The following CSMD1 variants were observed in gnomAD, a reference collection of about 807,000 sequenced individuals.
The protein encoded by CSMD1 is CUB and sushi domain-containing protein 1.
CSMD1 carries 213 observed loss-of-function variants against 417.5 expected under a neutral mutation model. The ratio of observed to expected loss-of-function variants is 0.51; its 90% CI spans 0.46 to 0.57. The LOEUF is 0.57. Among genes scored for constraint, CSMD1 ranks in the 20% least tolerant of loss-of-function variants. The probability of loss-of-function intolerance (pLI) is 0.00; values close to 1 mark genes in which losing one functional copy is unlikely to be tolerated. For synonymous variants in CSMD1, 2,862 were observed against 1,736.8 expected (o/e 1.65, Z -16.11); for missense variants, 6,923 against 4,529.7 (o/e 1.53, Z -15.17).
chr8:4,026,507 G>A (rs948468019), intron 4 of CSMD1, among the ~76,000 whole-genome samples: 1 of 152,144 alleles, frequency 6.6e-6, no homozygotes, highest in Non-Finnish European at 1.5e-5. Context: ...AAAACCACTG[G>A]AGGATATGTA....
chr8:2,943,189 A>C (rs1802006823), intron 68 of CSMD1, among the ~76,000 whole-genome samples: 2 of 152,146 alleles, frequency 1.3e-5, no homozygotes, highest in Non-Finnish European at 2.9e-5. Context: ...GACACAAAAT[A>C]ATGCTAAAAT....
At chr8:3,676,293 G>A (rs896540554) in intron 7 of CSMD1, among the ~76,000 whole-genome samples, 1 of 152,096 alleles carries the variant, frequency 6.6e-6, no homozygotes, top group African/African-American at 2.4e-5. Context: ...CTGTGGCCCT[G>A]GGGCAAGTTC....
intron 46 of CSMD1, among the ~76,000 whole-genome samples, chr8:3,103,706 G>C (rs1415172564): frequency 6.6e-6 from 1 of 151,070 alleles, no homozygotes; most frequent in Non-Finnish European, 1.5e-5. Flanking sequence ...ATAAGAACTT[G>C]GTTCATCTGG....
intron 10 of CSMD1, among the ~76,000 whole-genome samples, chr8:3,510,605 G>A (rs1315081554): frequency 2.0e-5 from 3 of 151,716 alleles, no homozygotes; most frequent in African/African-American, 7.3e-5. Flanking sequence ...AAAAAATGCT[G>A]GTGACTCTCT....
At chr8:3,267,515 C>G (rs542389396) in intron 26 of CSMD1, among the ~76,000 whole-genome samples, 1 of 152,088 alleles carries the variant, frequency 6.6e-6, no homozygotes, top group Non-Finnish European at 1.5e-5. Context: ...CTCCGGAGTC[C>G]AGAGGAGAGA....
In CSMD1 at chr8:3,221,006, GAGA is replaced by G. The variant is rs1798176992; in HGVS notation, c.4485-1567_4485-1565del. Among the ~76,000 whole-genome samples the G allele has an allele frequency of 3.3e-5, 5 of 151,230 alleles. No individual in the cohort carries two copies. The South Asian group carries it at 1.0e-3, about 32-fold the overall frequency. On this transcript the variant is annotated intron_variant, in intron 28 of 69. Transcript: ENST00000635120. ...GCAGAAATTTGGGACAACTGAGACA[GAGA>G]AGGTCAGGGTTTTTGCTTGTTGGTT...
At chr8:3,016,663 C>G (rs1341118207) in intron 52 of CSMD1, among the ~76,000 whole-genome samples, 1 of 152,176 alleles carries the variant, frequency 6.6e-6, no homozygotes, top group African/African-American at 2.4e-5. Context: ...TTTAAATACT[C>G]TATGTCTCTT....
At chr8:3,097,535 G>T (rs555980182) in intron 46 of CSMD1, among the ~76,000 whole-genome samples, 2 of 152,254 alleles carry the variant, frequency 1.3e-5, no homozygotes, top group Admixed American at 6.5e-5. Context: ...ATCCTACGTC[G>T]TTTCTGGTGC....
intron 7 of CSMD1, among the ~76,000 whole-genome samples, chr8:3,664,250 T>C (rs897146779): frequency 2.6e-5 from 4 of 152,162 alleles, no homozygotes; most frequent in African/African-American, 7.2e-5. Context: ...GTTCTCATTG[T>C]TCAATTCCCA....
At chr8:3,775,629 G>A (rs534085219) in intron 5 of CSMD1, among the ~76,000 whole-genome samples, 31 of 152,286 alleles carry the variant, frequency 2.0e-4, no homozygotes, top group Admixed American at 1.2e-3. Context: ...GGACTCATGT[G>A]CTCCTGTTCA....
chr8:4,184,211 G>C (rs951619802), intron 3 of CSMD1, among the ~76,000 whole-genome samples: 6 of 152,186 alleles, frequency 3.9e-5, no homozygotes, highest in Admixed American at 3.3e-4. Context: ...GAGCCTAAGA[G>C]TATAACTGTA....
chr8:3,362,721 T>G (rs2117730993), intron 20 of CSMD1, among the ~76,000 whole-genome samples: 1 of 152,198 alleles, frequency 6.6e-6, no homozygotes. Flanking sequence ...CTTCCAGTGG[T>G]TTTCACGTAA....
chr8:4,372,126 T>C (rs949168954), intron 3 of CSMD1, among the ~76,000 whole-genome samples: 18 of 152,242 alleles, frequency 1.2e-4, no homozygotes, highest in Non-Finnish European at 2.9e-5. Flanking sequence ...TACTGAATAT[T>C]AGCATTTTTC....
At chr8:4,089,894 C>T (rs1275350351) in intron 3 of CSMD1, among the ~76,000 whole-genome samples, 1 of 151,984 alleles carries the variant, frequency 6.6e-6, no homozygotes, top group Non-Finnish European at 1.5e-5. Context: ...GCTGTGGGGT[C>T]AGGGACCTGA....
At chr8:3,751,486 AG>A (rs1797341201) in intron 6 of CSMD1, among the ~76,000 whole-genome samples, 1 of 148,410 alleles carries the variant, frequency 6.7e-6, no homozygotes, top group Non-Finnish European at 1.5e-5. Context: ...CATATATTAT[AG>A]AATATATATA....
rs1801534419 is a variant in CSMD1, at chr8:2,937,072, T to C, written c.*1513A>G. The C allele has an allele frequency of 6.6e-6, 1 of 152,214 alleles. No homozygotes were observed. The highest frequency in any genetic ancestry group is 2.1e-4 in the South Asian group (1 of 4,836). The allele number at this position is 152,214 out of a possible 1,614,324, so 9.4% of individuals were successfully genotyped here. A position where few individuals can be genotyped will look rare whatever the true frequency, so the allele number is the denominator to read the frequency against. On this transcript the variant is annotated 3_prime_UTR_variant, in exon 70 of 70. Transcript: ENST00000635120. ...TAAGTATAAGTAAAAGTAAACATGA[T>C]TTTCACTTTGAATTTGTTACATAAA...
chr8:4,101,279 T>C (rs1383342916), intron 3 of CSMD1, among the ~76,000 whole-genome samples: 1 of 152,210 alleles, frequency 6.6e-6, no homozygotes, highest in Non-Finnish European at 1.5e-5. Flanking sequence ...TTTGGTGTTC[T>C]TCCAAACTCC....
intron 2 of CSMD1, among the ~76,000 whole-genome samples, chr8:4,475,881 G>A (rs1282037283): frequency 6.6e-6 from 1 of 152,112 alleles, no homozygotes; most frequent in African/African-American, 2.4e-5. Flanking sequence ...CGAAAGTGCT[G>A]GAATTACAGG....
intron 3 of CSMD1, among the ~76,000 whole-genome samples, chr8:4,155,501 G>C (rs551679181): frequency 2.0e-5 from 3 of 152,250 alleles, no homozygotes; most frequent in African/African-American, 7.2e-5. Flanking sequence ...GGAAAGTATC[G>C]TTCTTAAACG....
Sources: allele counts gnomAD v4.1 joint callset (sites outside exome capture counted in the v4.1 genomes callset), GRCh38; gene constraint gnomAD v4.1.1; transcripts MANE v1.5; gene names NCBI Gene and HGNC (gene_info 2026-07-23, HGNC 2026-07-21).